Variants in SLC19A3 observed in about 807,000 individuals in gnomAD.
SLC19A3 encodes the protein thiamine transporter 2.
Under a neutral mutation model 40.2 loss-of-function variants are expected in SLC19A3, and 31 were observed. The observed-to-expected ratio is 0.77, with a 90% CI of 0.58 to 1.04. The LOEUF is 1.04. SLC19A3 is among the 50% of genes least tolerant of loss of function. The pLI is 0.00. For missense variants in SLC19A3, 592 were observed against 596.7 expected (o/e 0.99, Z 0.08); for synonymous variants, 212 against 227.5 (o/e 0.93, Z 0.61).
intron 1 of SLC19A3, among the ~76,000 whole-genome samples, chr2:227,705,290 A>C (rs2106335975): frequency 6.6e-6 from 1 of 152,168 alleles, no homozygotes; most frequent in Admixed American, 6.5e-5. Flanking sequence ...ACTATAGGAC[A>C]CGGTACTAAG....
chr2:227,716,665 C>G (rs994388987), intron 1 of SLC19A3, among the ~76,000 whole-genome samples: 1 of 152,156 alleles, frequency 6.6e-6, no homozygotes, highest in Non-Finnish European at 1.5e-5. Flanking sequence ...CCTCCCGTAA[C>G]CTCATTTGCC....
rs1377314624 is a variant in SLC19A3, at chr2:227,703,530, G to A, written c.-2-1210C>T. On this transcript the variant is annotated intron_variant, in intron 1 of 5. Transcript: ENST00000644224. The surrounding 1 kb of genome is among the most constrained non-coding windows in gnomAD (Gnocchi z 4.7). ...AAGAGCGATCAGATTTTGAAACTAGGATTACAGCATCAGTGAGCAATGCTG... is the reference window on the plus strand; with the variant it reads ...AAGAGCGATCAGATTTTGAAACTAGAATTACAGCATCAGTGAGCAATGCTG... 6.6e-6 allele frequency among the ~76,000 whole-genome samples: 1 copy of A among 152,188 alleles called. No individual in the cohort carries two copies. Among genetic ancestry groups the A allele is most frequent in the Non-Finnish European group, 1.5e-5 (1 of 68,044 alleles).
At chr2:227,707,797 A>G (rs1010587810) in intron 1 of SLC19A3, among the ~76,000 whole-genome samples, 1 of 152,044 alleles carries the variant, frequency 6.6e-6, no homozygotes, top group Non-Finnish European at 1.5e-5. Context: ...GTGCAATTTC[A>G]GCTCACTACA....
chr2:227,684,980 C>CAAAAAAAAAAAAAAAA lies in SLC19A3; in HGVS notation c.*2401_*2416dup, dbSNP rs60946199. On this transcript the variant is annotated 3_prime_UTR_variant, in exon 6 of 6. Transcript: ENST00000644224. Reference sequence around the variant, plus strand: ...CCTGGGTGACAGAGCAAGATTCTATCAAAAAAAAAAAAAAAAAAAAAAAAA... The same window carrying CAAAAAAAAAAAAAAAA: ...CCTGGGTGACAGAGCAAGATTCTATCAAAAAAAAAAAAAAAAAAAAAAAAAAAAAAAAAAAAAAAAA... The CAAAAAAAAAAAAAAAA allele has an allele frequency of 2.2e-4, 14 of 62,402 alleles. No individual in the cohort carries two copies. Among genetic ancestry groups the CAAAAAAAAAAAAAAAA allele is most frequent in the Admixed American group, 3.1e-4 (1 of 3,246 alleles). 3.9% of individuals were successfully genotyped at this position (62,402 alleles called of 1,614,324 possible). A position where few individuals can be genotyped will look rare whatever the true frequency, so the allele number is the denominator to read the frequency against.
At chr2:227,714,704 A>AT in intron 1 of SLC19A3, 1 of 45,548 alleles carries the variant, frequency 2.2e-5, no homozygotes, top group Non-Finnish European at 5.1e-5. Flanking sequence ...AATCCCATCC[A>AT]AAAAAAAAAA....
chr2:227,707,738 T>C (rs971415643), intron 1 of SLC19A3, among the ~76,000 whole-genome samples: 5 of 151,980 alleles, frequency 3.3e-5, no homozygotes, highest in Non-Finnish European at 7.4e-5. Flanking sequence ...TCAATCTCTA[T>C]TTTTTTTGAG....
chr2:227,690,156 T>G (rs559763699), intron 4 of SLC19A3, among the ~76,000 whole-genome samples: 9 of 152,222 alleles, frequency 5.9e-5, no homozygotes, highest in Admixed American at 2.0e-4. Context: ...TCTAAACTCT[T>G]CAAAAGAGAG....
At chr2:227,697,771 T>G (rs1695494287) in intron 3 of SLC19A3, among the ~76,000 whole-genome samples, 1 of 152,214 alleles carries the variant, frequency 6.6e-6, no homozygotes, top group African/African-American at 2.4e-5. Context: ...TGCTAATCCC[T>G]GAGCTCCTAA....
chr2:227,709,608 T>A (rs1696071054), intron 1 of SLC19A3, among the ~76,000 whole-genome samples: 1 of 151,978 alleles, frequency 6.6e-6, no homozygotes, highest in African/African-American at 2.4e-5. Context: ...ACACACCCAC[T>A]TGCACACCCA....
rs1559252781 is a variant in SLC19A3 at position 227,702,222 on chromosome 2, G to A, written c.97C>T (p.Pro33Ser). The A allele has an allele frequency of 3.7e-6, 6 of 1,613,768 alleles. No homozygotes were observed. Among genetic ancestry groups the A allele is most frequent in the African/African-American group, 1.3e-5 (1 of 74,914 alleles). The change falls in exon 2 of 6, where the codon CCA becomes TCA. Residue 33 changes from proline (P) to serine (S), a missense_variant. Pro to Ser is a moderately conservative substitution (Grantham distance 74). Coordinates refer to ENST00000644224, the MANE Select transcript of SLC19A3 (RefSeq NM_025243.4). ...CCAGATAAATATGGGATAAGGAATGGTTCTGAGGGTCTCATCATGGAGAAA... is the reference window on the plus strand; with the variant it reads ...CCAGATAAATATGGGATAAGGAATGATTCTGAGGGTCTCATCATGGAGAAA... ...GFFSMMRPSEPFLIPYLSGPD... is the reference protein window; with the variant it reads ...GFFSMMRPSESFLIPYLSGPD...
rs1198871973 is a variant in SLC19A3 at position 227,699,261 on chromosome 2, T to C, written c.454A>G (p.Thr152Ala). The part of the protein sequence containing the change: ...YCRSVTLAAY[T>A]AGSVLAQLLV... ...AGTTGAGCCAGCACCGACCCTGCTG[T>C]GTAGGCGGCCAGCGTGACGCTCCTG... The change falls in exon 3 of 6, where the codon ACA (threonine) becomes GCA (alanine). Residue 152 changes from threonine (T) to alanine (A), a missense_variant. By Grantham distance (58) the Thr-to-Ala change is moderately conservative. Coordinates refer to ENST00000644224, the MANE Select transcript of SLC19A3 (RefSeq NM_025243.4). The C allele has an allele frequency of 1.2e-6, 2 of 1,613,966 alleles. No individual in the cohort carries two copies. Among genetic ancestry groups the C allele is most frequent in the Non-Finnish European group, 1.7e-6 (2 of 1,179,976 alleles).
intron 1 of SLC19A3, among the ~76,000 whole-genome samples, chr2:227,713,275 T>A (rs539790153): frequency 9.2e-5 from 14 of 151,840 alleles, no homozygotes; most frequent in African/African-American, 3.4e-4. Flanking sequence ...TGGTGGTATA[T>A]GCCTGTAGTC....
intron 1 of SLC19A3, 42 bp downstream of exon 1, chr2:227,717,880 CACTGCTAAGACCGAGGGATGA>C (rs1349886523): frequency 5.1e-5 from 50 of 981,426 alleles, no homozygotes; most frequent in Admixed American, 1.2e-4. Flanking sequence ...AGAGAGGCGA[CACTGCTAAGACCGAGGGATGA>C]CGGTGCTTCT....
At chr2:227,690,225 A>G (rs1695169019) in intron 4 of SLC19A3, among the ~76,000 whole-genome samples, 1 of 152,176 alleles carries the variant, frequency 6.6e-6, no homozygotes, top group African/African-American at 2.4e-5. Flanking sequence ...AAGACATTTT[A>G]CCTATAGAGA....
intron 1 of SLC19A3, among the ~76,000 whole-genome samples, chr2:227,708,882 C>A (rs1431845584): frequency 6.6e-6 from 1 of 152,148 alleles, no homozygotes; most frequent in African/African-American, 2.4e-5. Flanking sequence ...CTCACATCTC[C>A]TGGGTTTGCT....
rs7593437 is a variant in SLC19A3 at position 227,685,288 on chromosome 2, G to A, written c.*2109C>T. 151,891 of 152,378 alleles carry A rather than the reference G, an allele frequency of 1. 75,709 individuals carry two copies. The highest frequency in any genetic ancestry group is 1 in the Middle Eastern group (298 of 298). 9.4% of individuals were successfully genotyped at this position (152,378 alleles called of 1,614,324 possible). A position where few individuals can be genotyped will look rare whatever the true frequency, so the allele number is the denominator to read the frequency against. On this transcript the variant is annotated 3_prime_UTR_variant, in exon 6 of 6. Transcript: ENST00000644224. ...CAACATCTGCTTCTAGGGAGTCCTC[G>A]GGGAATTTTTACTCATGGCAGAAGG...
chr2:227,695,755 T>C (rs1219383570), intron 4 of SLC19A3, 134 bp downstream of exon 4: 2 of 861,238 alleles, frequency 2.3e-6, no homozygotes, highest in Admixed American at 4.2e-5. Context: ...CTTAGTTGTG[T>C]CTAATTTAAT....
intron 4 of SLC19A3, among the ~76,000 whole-genome samples, chr2:227,693,399 G>A (rs947915598): frequency 6.6e-6 from 1 of 152,126 alleles, no homozygotes; most frequent in Admixed American, 6.6e-5. Flanking sequence ...CAATGGAACA[G>A]AAGAGTGAAC....
rs147397932 is a variant in SLC19A3, at chr2:227,717,308, T to C, written c.-3+635A>G. ...TGAGCCACTGCGCCTGGCCTGAGAG[T>C]ACTTTTAGAAAACATTATTCCTTTA... On this transcript the variant is annotated intron_variant, in intron 1 of 5. Transcript: ENST00000644224. 1.5e-3 allele frequency among the ~76,000 whole-genome samples: 232 copies of C among 152,190 alleles called. 1 individual carries two copies. Among genetic ancestry groups the C allele is most frequent in the African/African-American group, 4.7e-3 (197 of 41,526 alleles).
Sources: gnomAD v4.1 joint callset for allele counts (sites outside exome capture counted in the v4.1 genomes callset) on GRCh38, gnomAD v4.1.1 for gene constraint, Gnocchi (gnomAD v3.1) non-coding constraint, MANE v1.5 for transcripts, NCBI Gene and HGNC (gene_info 2026-07-23, HGNC 2026-07-21) for gene names.